Variants in ASTN1 observed in about 807,000 individuals in gnomAD.
ASTN1 encodes the protein astrotactin 1, also known as astrotactin-1.
A neutral mutation model predicts 140.7 loss-of-function variants in ASTN1; 41 were observed. The observed-to-expected ratio is 0.29, with a 90% CI of 0.23 to 0.38. ASTN1 has a LOEUF of 0.38. Ranked by LOEUF, ASTN1 falls within the 10% of genes least tolerant of loss-of-function variation. The probability of loss-of-function intolerance (pLI) is 1.00; values close to 1 mark genes in which losing one functional copy is unlikely to be tolerated. For synonymous variants in ASTN1, 640 were observed against 652.2 expected (o/e 0.98, Z 0.29); for missense variants, 1,479 against 1,678.8 (o/e 0.88, Z 2.08).
At chr1:176,996,261 CCT>C (rs146791378) in intron 8 of ASTN1, among the ~76,000 whole-genome samples, 14,444 of 139,406 alleles carry the variant, frequency 0.1, 1,008 homozygotes, top group African/African-American at 0.17. Context: ...AGTCATATAT[CCT>C]CTCTCTCTCT....
rs536736899 is a variant in ASTN1 at position 177,121,582 on chromosome 1, T to C, written c.283+42812A>G. The stretch of plus-strand genomic sequence containing the variant: ...ACTCTTTCTGGAGCTTGGGGTAAAA[T>C]AAGGTATAGAGCATTTTACTACCAT... On this transcript the variant is annotated intron_variant, in intron 1 of 22. Transcript: ENST00000361833. Among the ~76,000 whole-genome samples, 11 of 152,118 alleles carry C rather than the reference T, an allele frequency of 7.2e-5. No individual in the cohort carries two copies. In the East Asian group the frequency reaches 1.5e-3, roughly 21 times the overall value.
intron 16 of ASTN1, among the ~76,000 whole-genome samples, chr1:176,906,885 G>A (rs1398702474): frequency 6.6e-6 from 1 of 151,994 alleles, no homozygotes; most frequent in African/African-American, 2.4e-5. Context: ...ACTTTGGTGG[G>A]GGAGGTAGGC....
intron 21 of ASTN1, among the ~76,000 whole-genome samples, chr1:176,871,419 A>T (rs1474797523): frequency 2.6e-5 from 4 of 152,178 alleles, no homozygotes; most frequent in Non-Finnish European, 4.4e-5. Context: ...AAGAAAGAAC[A>T]GTCCACACGC....
chr1:176,891,046 TAA>T (rs112092448), intron 17 of ASTN1, among the ~76,000 whole-genome samples: 1 of 144,262 alleles, frequency 6.9e-6, no homozygotes, highest in African/African-American at 2.5e-5. Flanking sequence ...AAATTAAAAT[TAA>T]AAAAAAAAAG....
chr1:177,066,120 C>G (rs1310513654), intron 1 of ASTN1, among the ~76,000 whole-genome samples: 1 of 152,126 alleles, frequency 6.6e-6, no homozygotes, highest in Non-Finnish European at 1.5e-5. Flanking sequence ...AGTTTAATAT[C>G]TCAAACCATG....
At chr1:176,922,964 G>A (rs529167233) in intron 16 of ASTN1, among the ~76,000 whole-genome samples, 7 of 152,086 alleles carry the variant, frequency 4.6e-5, no homozygotes, top group African/African-American at 1.4e-4. Context: ...TAGATATTGC[G>A]CTTTATGTAT....
intron 2 of ASTN1, among the ~76,000 whole-genome samples, chr1:177,057,595 T>C (rs1677873063): frequency 6.6e-6 from 1 of 152,234 alleles, no homozygotes; most frequent in African/African-American, 2.4e-5. Flanking sequence ...CTTTTAATTA[T>C]ACATTTTCTT....
At chr1:177,044,176 T>TATAC (rs34774037) in intron 2 of ASTN1, among the ~76,000 whole-genome samples, 2 of 143,316 alleles carry the variant, frequency 1.4e-5, no homozygotes, top group African/African-American at 5.2e-5. Flanking sequence ...AAAAAAAAAA[T>TATAC]ACACACACAC....
Position 176,863,174 on chromosome 1 carries a change from T to G in ASTN1, c.*1110A>C, listed in dbSNP as rs574319658. 2.5e-4 allele frequency: 247 copies of G among 985,800 alleles called. No homozygotes were observed. The highest frequency in any genetic ancestry group is 2.9e-4 in the Non-Finnish European group (238 of 829,956). The allele number at this position is 985,800 out of a possible 1,614,324, so 61.1% of individuals were successfully genotyped here. On this transcript the variant is annotated 3_prime_UTR_variant, in exon 23 of 23. Transcript: ENST00000361833. ...GTGACTGGATGGGCAGTGACCATGG[T>G]GGAATCCTCCTGCTTATGGTCATCA...
At position 176,943,909 on chromosome 1, in the gene ASTN1, CA is replaced by C. The variant is rs1557978884; in HGVS notation, c.2358del (p.Asp787ThrfsTer5). The C allele has an allele frequency of 2.5e-6, 4 of 1,609,886 alleles. No individual in the cohort carries two copies. The highest frequency in any genetic ancestry group is 2.2e-5 in the East Asian group (1 of 44,622). On this transcript the variant is annotated frameshift_variant, in exon 14 of 23. Transcript: ENST00000361833. LOFTEE classifies it high-confidence loss of function. ...QCLEEISEPT[P>X]DPDFLTGMVN... ...CACTCACCAGTCAGGAAGTCAGGGT[CA>C]GGGGTGGGCTCCGAGATCTCCTCTA...
chr1:177,133,392 G>T (rs1176087104), intron 1 of ASTN1, among the ~76,000 whole-genome samples: 4 of 152,110 alleles, frequency 2.6e-5, no homozygotes, highest in Admixed American at 2.6e-4. Flanking sequence ...AAAATATTAG[G>T]TTTTTTAAAT....
Position 177,061,058 on chromosome 1 carries a change from T to C in ASTN1, c.471+20A>G. ...TAACATAAGCTATGGCCTGAGAGGC[T>C]AAGGCTGTTCTGCTCTTACCATGAC... is the stretch of plus-strand genomic sequence containing the variant. On this transcript the variant is annotated intron_variant, in intron 2 of 22. Transcript: ENST00000361833. The C allele has an allele frequency of 1.3e-6, 2 of 1,549,060 alleles. No homozygotes were observed. Among genetic ancestry groups the C allele is most frequent in the Admixed American group, 1.9e-5 (1 of 52,256 alleles).
intron 1 of ASTN1, among the ~76,000 whole-genome samples, chr1:177,061,467 G>A (rs536911031): frequency 9.2e-5 from 14 of 152,240 alleles, no homozygotes; most frequent in Admixed American, 2.0e-4. Context: ...ATTATCTCCC[G>A]TAGGTCTTTC....
At chr1:176,923,748 G>A (rs1314474614) in intron 16 of ASTN1, among the ~76,000 whole-genome samples, 1 of 152,052 alleles carries the variant, frequency 6.6e-6, no homozygotes, top group Non-Finnish European at 1.5e-5. Context: ...CATCCACTGG[G>A]GTCTTGGAAA....
intron 8 of ASTN1, among the ~76,000 whole-genome samples, chr1:176,978,280 G>T (rs1001949603): frequency 6.6e-6 from 1 of 152,170 alleles, no homozygotes; most frequent in Non-Finnish European, 1.5e-5. Context: ...CTTGGGTAGC[G>T]AATGGGGAGC....
intron 1 of ASTN1, among the ~76,000 whole-genome samples, chr1:177,121,957 G>A (rs1248131619): frequency 6.6e-6 from 1 of 152,138 alleles, no homozygotes; most frequent in African/African-American, 2.4e-5. Flanking sequence ...GCAAGAAAAT[G>A]AGAGGCCCTC....
At chr1:176,947,472 C>T (rs1353576371) in intron 12 of ASTN1, among the ~76,000 whole-genome samples, 1 of 152,148 alleles carries the variant, frequency 6.6e-6, no homozygotes, top group Non-Finnish European at 1.5e-5. Flanking sequence ...ACTTCTTCGG[C>T]ACGCTATATA....
At chr1:176,981,086 C>T (rs1334374809) in intron 8 of ASTN1, among the ~76,000 whole-genome samples, 1 of 151,600 alleles carries the variant, frequency 6.6e-6, no homozygotes, top group Admixed American at 6.6e-5. Flanking sequence ...GTACCAGGTG[C>T]CTGTAATCCC....
chr1:177,006,418 A>T (rs1021743481), intron 8 of ASTN1, among the ~76,000 whole-genome samples: 6 of 151,808 alleles, frequency 4.0e-5, no homozygotes, highest in African/African-American at 7.3e-5. Context: ...AAAAAAAAAG[A>T]TAAATAGCCA....
Sources: allele counts gnomAD v4.1 joint callset (sites outside exome capture counted in the v4.1 genomes callset), GRCh38; gene constraint gnomAD v4.1.1; transcripts MANE v1.5; gene names NCBI Gene and HGNC (gene_info 2026-07-23, HGNC 2026-07-21).